Variants in THSD4 observed in about 807,000 individuals in gnomAD.
The protein encoded by THSD4 is thrombospondin type-1 domain-containing protein 4.
THSD4 carries 69 observed loss-of-function variants against 119.0 expected under a neutral mutation model. The ratio of observed to expected loss-of-function variants is 0.58; its 90% CI spans 0.48 to 0.71. THSD4 has a LOEUF of 0.71. Among genes scored for constraint, THSD4 ranks in the 30% least tolerant of loss-of-function variants. The probability of loss-of-function intolerance (pLI) is 0.00; values close to 1 mark genes in which losing one functional copy is unlikely to be tolerated. For synonymous variants in THSD4, 524 were observed against 540.4 expected (o/e 0.97, Z 0.42); for missense variants, 1,393 against 1,391.1 (o/e 1.00, Z -0.02).
At chr15:71,450,308 T>C (rs1271682790) in intron 7 of THSD4, among the ~76,000 whole-genome samples, 1 of 152,176 alleles carries the variant, frequency 6.6e-6, no homozygotes, top group South Asian at 2.1e-4. Context: ...CTGGTGATTG[T>C]AGGCCCAGGT....
intron 7 of THSD4, among the ~76,000 whole-genome samples, chr15:71,589,356 ATTTATTTT>A: frequency 7.5e-6 from 1 of 132,798 alleles, no homozygotes; most frequent in South Asian, 2.4e-4. Flanking sequence ...TTATTTATTT[ATTTATTTT>A]TTTATTTATT....
chr15:71,332,150 C>G (rs560005115), intron 6 of THSD4, among the ~76,000 whole-genome samples: 1 of 152,288 alleles, frequency 6.6e-6, no homozygotes, highest in African/African-American at 2.4e-5. Flanking sequence ...ATAGGTTTGT[C>G]TCAGTACCCC....
chr15:71,250,808 G>C (rs764617150), intron 5 of THSD4, among the ~76,000 whole-genome samples: 17 of 152,120 alleles, frequency 1.1e-4, no homozygotes, highest in Non-Finnish European at 1.9e-4. Context: ...TGATTGGCCT[G>C]GGTGAAAGGC....
At chr15:71,245,843 G>C (rs140087216) in intron 5 of THSD4, among the ~76,000 whole-genome samples, 1 of 152,276 alleles carries the variant, frequency 6.6e-6, no homozygotes, top group East Asian at 1.9e-4. Context: ...TGAAATCCAA[G>C]TTCCCAGATG....
chr15:71,727,068 G>T (rs1446137960), intron 8 of THSD4, among the ~76,000 whole-genome samples: 8 of 151,810 alleles, frequency 5.3e-5, no homozygotes, highest in Non-Finnish European at 7.4e-5. Flanking sequence ...CCAACACCTT[G>T]TTCCTTGCCC....
chr15:71,429,777 G>A (rs534032850), intron 7 of THSD4, among the ~76,000 whole-genome samples: 47 of 152,168 alleles, frequency 3.1e-4, no homozygotes, highest in Non-Finnish European at 6.2e-4. Context: ...TAGCTGAATG[G>A]TAAAAGATCC....
intron 6 of THSD4, among the ~76,000 whole-genome samples, chr15:71,318,026 G>T (rs1385208855): frequency 1.3e-5 from 2 of 152,170 alleles, no homozygotes; most frequent in African/African-American, 2.4e-5. Flanking sequence ...TGCCCAGGAG[G>T]ATGGTGCTTC....
chr15:71,599,028 G>T (rs1053978757), intron 7 of THSD4, among the ~76,000 whole-genome samples: 8 of 152,030 alleles, frequency 5.3e-5, no homozygotes, highest in African/African-American at 2.4e-5. Context: ...GATTTGCTCC[G>T]ACCTTTTTTC....
intron 7 of THSD4, among the ~76,000 whole-genome samples, chr15:71,656,135 C>T (rs937382168): frequency 3.9e-5 from 6 of 151,982 alleles, no homozygotes; most frequent in African/African-American, 9.7e-5. Flanking sequence ...AGTCATAGCA[C>T]GTAATCTATA....
At chr15:71,516,094 CTTAGTAATGG>C (rs2048357710) in intron 7 of THSD4, among the ~76,000 whole-genome samples, 1 of 152,140 alleles carries the variant, frequency 6.6e-6, no homozygotes, top group Non-Finnish European at 1.5e-5. Flanking sequence ...CAGCGGAATG[CTTAGTAATGG>C]TTAGCATTTC....
intron 1 of THSD4, among the ~76,000 whole-genome samples, chr15:71,101,367 C>G (rs537619642): frequency 7.2e-5 from 11 of 152,244 alleles, no homozygotes; most frequent in African/African-American, 2.4e-4. Context: ...TTTGGCATCC[C>G]CTGTTTACGT....
intron 4 of THSD4, among the ~76,000 whole-genome samples, chr15:71,216,364 T>C (rs1301199103): frequency 6.6e-6 from 1 of 152,218 alleles, no homozygotes; most frequent in Non-Finnish European, 1.5e-5. Flanking sequence ...TCAGTCTCCA[T>C]GGCCACCCTT....
chr15:71,773,222 GAAAA>G (rs1232620677), intron 17 of THSD4, among the ~76,000 whole-genome samples: 1 of 115,526 alleles, frequency 8.7e-6, no homozygotes, highest in Non-Finnish European at 1.7e-5. Context: ...AAAAGAAAAA[GAAAA>G]AAGAAAAGAA....
At chr15:71,189,953 C>A (rs1193971396) in intron 3 of THSD4, among the ~76,000 whole-genome samples, 1 of 152,106 alleles carries the variant, frequency 6.6e-6, no homozygotes, top group Non-Finnish European at 1.5e-5. Flanking sequence ...CTCATCCCGC[C>A]CACGCACTGC....
intron 8 of THSD4, among the ~76,000 whole-genome samples, chr15:71,700,444 C>T (rs1188065146): frequency 6.6e-6 from 1 of 151,972 alleles, no homozygotes; most frequent in African/African-American, 2.4e-5. Flanking sequence ...AAATAAATGA[C>T]AAAACAACAT....
chr15:71,312,416 T>G (rs1483452133), intron 6 of THSD4, among the ~76,000 whole-genome samples: 1 of 152,014 alleles, frequency 6.6e-6, no homozygotes, highest in Non-Finnish European at 1.5e-5. Context: ...CTGACTATTG[T>G]GCTTTTAAGA....
At chr15:71,246,670 T>G (rs1389259371) in intron 5 of THSD4, among the ~76,000 whole-genome samples, 1 of 152,182 alleles carries the variant, frequency 6.6e-6, no homozygotes, top group Non-Finnish European at 1.5e-5. Context: ...TCTCTGAGAT[T>G]GTTCAATTCA....
chr15:71,365,121 G>GCC (rs200549436), intron 6 of THSD4, among the ~76,000 whole-genome samples: 29 of 142,280 alleles, frequency 2.0e-4, no homozygotes, highest in African/African-American at 6.5e-4. Flanking sequence ...TATATCCACT[G>GCC]CCCCCCCCAT....
At chr15:71,160,973 C>T (rs2043245043) in intron 3 of THSD4, among the ~76,000 whole-genome samples, 1 of 151,958 alleles carries the variant, frequency 6.6e-6, no homozygotes, top group African/African-American at 2.4e-5. Flanking sequence ...TTGCTTGTCT[C>T]AAGGAAATTA....
Sources: allele counts gnomAD v4.1 joint callset (sites outside exome capture counted in the v4.1 genomes callset), GRCh38; gene constraint gnomAD v4.1.1; transcripts MANE v1.5; gene names NCBI Gene and HGNC (gene_info 2026-07-23, HGNC 2026-07-21).